The following TMEM52B variants were observed in gnomAD, a reference collection of about 807,000 sequenced individuals.
The protein encoded by TMEM52B is transmembrane protein 52B.
A neutral mutation model predicts 16.1 loss-of-function variants in TMEM52B; 11 were observed. That is an observed-to-expected ratio of 0.68 (90% CI 0.43 to 1.13). TMEM52B has a LOEUF of 1.13. Among genes scored for constraint, TMEM52B ranks in the 50% most tolerant of loss-of-function variants. The probability of loss-of-function intolerance (pLI) is 0.00; values close to 1 mark genes in which losing one functional copy is unlikely to be tolerated. For synonymous variants in TMEM52B, 101 were observed against 93.8 expected (o/e 1.08, Z -0.45); for missense variants, 243 against 230.4 (o/e 1.05, Z -0.35).
upstream of TMEM52B, among the ~76,000 whole-genome samples, chr12:10,176,296 G>A: frequency 6.6e-6 from 1 of 151,670 alleles, no homozygotes; most frequent in Admixed American, 6.6e-5. Flanking sequence ...TCTTTCCAGG[G>A]ACTAATCTGG....
chr12:10,186,479 G>T lies in TMEM52B; in HGVS notation c.197G>T (p.Arg66Leu). Residue 66 changes from arginine (R) to leucine (L), a missense_variant, in exon 4 of 5, where the codon CGC (arginine) becomes CTC (leucine). Physicochemically the swap from Arg to Leu is moderately radical, Grantham distance 102 (BLOSUM62 -2). Transcript: ENST00000543484. ...LLCGLTSLCF[R>L]CCCLSRQQNG... The stretch of plus-strand genomic sequence containing the variant: ...TGTGGCCTGACGTCCCTGTGCTTCC[G>T]CTGCTGCTGTCTGAGCCGCCAGCAA... 2 of 1,612,224 alleles carry T rather than the reference G, an allele frequency of 1.2e-6. No homozygotes were observed. Among genetic ancestry groups the T allele is most frequent in the Non-Finnish European group, 1.7e-6 (2 of 1,178,582 alleles).
intron 1 of TMEM52B, 139 bp downstream of exon 1, chr12:10,179,767 CAA>C: frequency 1.1e-6 from 1 of 934,056 alleles, no homozygotes; most frequent in South Asian, 1.4e-5. Context: ...GAATAAACTA[CAA>C]AGTTTCCTTA....
intron 3 of TMEM52B, 52 bp from the exon 4 acceptor site, chr12:10,186,368 T>C (rs1948878811): frequency 2.6e-6 from 4 of 1,513,626 alleles, no homozygotes; most frequent in South Asian, 2.6e-5. Flanking sequence ...ACAGCAGAGC[T>C]GGGAAAAAAG....
intron 4 of TMEM52B, among the ~76,000 whole-genome samples, chr12:10,189,016 C>CAAAAAAAAAAAAAAAAAAAAA (rs869240234): frequency 1.8e-5 from 1 of 56,488 alleles, no homozygotes; most frequent in Non-Finnish European, 2.9e-5. Flanking sequence ...GACTCCGTCT[C>CAAAAAAAAAAAAAAAAAAAAA]AAAAAAAAAA....
At chr12:10,182,320 C>A in intron 1 of TMEM52B, 1 of 985,278 alleles carries the variant, frequency 1.0e-6, no homozygotes, top group South Asian at 4.7e-5. Flanking sequence ...TGCTCACCCA[C>A]CATCAACACA....
upstream of TMEM52B, chr12:10,175,351 A>G (rs1476212363): frequency 6.6e-6 from 1 of 152,114 alleles, no homozygotes; most frequent in Admixed American, 6.6e-5. Context: ...GGAGCTTGCA[A>G]GTGAATCTTC....
chr12:10,177,556 T>G (rs9300224), upstream of TMEM52B, among the ~76,000 whole-genome samples: 63 of 151,654 alleles, frequency 4.2e-4, no homozygotes, highest in African/African-American at 1.5e-3. Flanking sequence ...GTAAACTAAC[T>G]TCTACTTTTC....
upstream of TMEM52B, among the ~76,000 whole-genome samples, chr12:10,178,181 C>CA (rs1200682630): frequency 4.0e-5 from 6 of 151,708 alleles, no homozygotes; most frequent in Admixed American, 6.6e-5. Flanking sequence ...AGGCATGAGC[C>CA]ATGGCACCCG....
chr12:10,177,516 A>C (rs1948775129), upstream of TMEM52B, among the ~76,000 whole-genome samples: 1 of 152,150 alleles, frequency 6.6e-6, no homozygotes, highest in Non-Finnish European at 1.5e-5. Flanking sequence ...AGGAGGTTTT[A>C]TTCAATTCTT....
At chr12:10,184,240 C>T (rs771548135) in intron 2 of TMEM52B, among the ~76,000 whole-genome samples, 4 of 152,186 alleles carry the variant, frequency 2.6e-5, no homozygotes, top group East Asian at 1.9e-4. Context: ...CTTTGCTCTA[C>T]GCATCTCTTC....
At chr12:10,184,948 G>A (rs1323218770) in intron 2 of TMEM52B, among the ~76,000 whole-genome samples, 1 of 151,864 alleles carries the variant, frequency 6.6e-6, no homozygotes, top group Non-Finnish European at 1.5e-5. Flanking sequence ...TCCTGACCTC[G>A]TGATCTGCCA....
intron 1 of TMEM52B, 70 bp from the exon 2 acceptor site, chr12:10,182,480 A>T: frequency 6.6e-7 from 1 of 1,514,588 alleles, no homozygotes; most frequent in South Asian, 1.2e-5. Context: ...ACCATGAGAG[A>T]TGATTGGTAA....
intron 1 of TMEM52B, among the ~76,000 whole-genome samples, chr12:10,181,920 G>T (rs976363799): frequency 6.7e-6 from 1 of 149,856 alleles, no homozygotes; most frequent in Admixed American, 6.7e-5. Context: ...CCAGCTACTC[G>T]GGAGGCTGAG....
chr12:10,177,245 T>A (rs1293601439), upstream of TMEM52B, among the ~76,000 whole-genome samples: 2 of 152,138 alleles, frequency 1.3e-5, no homozygotes, highest in Non-Finnish European at 1.5e-5. Context: ...GTTGCCTAAT[T>A]TAAAAAAATA....
chr12:10,186,670 T>G, intron 4 of TMEM52B, 81 bp downstream of exon 4: 1 of 1,333,444 alleles, frequency 7.5e-7, no homozygotes, highest in Non-Finnish European at 1.0e-6. Flanking sequence ...GTAGAACCAC[T>G]GATCGAGTAA....
chr12:10,187,361 A>G (rs916515706), intron 4 of TMEM52B, among the ~76,000 whole-genome samples: 2 of 151,164 alleles, frequency 1.3e-5, no homozygotes, highest in Non-Finnish European at 2.9e-5. Flanking sequence ...CCGCCTCACA[A>G]AGGGCTGGGA....
chr12:10,184,594 T>C lies in TMEM52B; in HGVS notation c.99-736T>C, dbSNP rs147848438. On this transcript the variant is annotated intron_variant, in intron 2 of 4. Transcript: ENST00000543484. ...GAAATCCTCACCCACCCACATCTGG[T>C]GTCAGAGGGTTGGGAGAGTATAGCA... Among the ~76,000 whole-genome samples, 446 of 152,160 alleles carry C rather than the reference T, an allele frequency of 2.9e-3. 2 individuals are homozygous for C. The highest frequency in any genetic ancestry group is 0.01 in the African/African-American group (427 of 41,522).
chr12:10,182,707 T>A, intron 2 of TMEM52B, 114 bp downstream of exon 2: 1 of 1,103,718 alleles, frequency 9.1e-7, no homozygotes, highest in Non-Finnish European at 1.2e-6. Flanking sequence ...TATTTTTACT[T>A]AAGTAATAGA....
chr12:10,173,163 A>G (rs1948737556), intron 1 of TMEM52B, among the ~76,000 whole-genome samples: 1 of 152,226 alleles, frequency 6.6e-6, no homozygotes, highest in African/African-American at 2.4e-5. Context: ...AAGTATGTCT[A>G]TATGTATTTA....
Sources: gnomAD v4.1 joint callset for allele counts (sites outside exome capture counted in the v4.1 genomes callset) on GRCh38, gnomAD v4.1.1 for gene constraint, MANE v1.5 for transcripts, NCBI Gene and HGNC (gene_info 2026-07-23, HGNC 2026-07-21) for gene names.